The following PCDHA10 variants were observed in gnomAD, a reference collection of about 807,000 sequenced individuals.
PCDHA10 encodes the protein protocadherin alpha-10.
PCDHA10 carries 45 observed loss-of-function variants against 61.2 expected under a neutral mutation model. The observed-to-expected ratio is 0.74, with a 90% CI of 0.58 to 0.94. The LOEUF (loss-of-function observed/expected upper bound fraction) is 0.94, where lower values mean the gene tolerates loss of function less well. Among genes scored for constraint, PCDHA10 ranks in the 40% least tolerant of loss-of-function variants. The pLI is 0.00. For missense variants in PCDHA10, 1,278 were observed against 1,236.2 expected (o/e 1.03, Z -0.51); for synonymous variants, 602 against 548.8 (o/e 1.10, Z -1.35).
intron 3 of PCDHA10, among the ~76,000 whole-genome samples, chr5:141,006,751 G>A (rs1369409000): frequency 2.0e-5 from 3 of 152,166 alleles, no homozygotes; most frequent in Non-Finnish European, 4.4e-5. Flanking sequence ...ATTATAAATG[G>A]AGAATGAAGA....
chr5:140,968,405 G>A, intron 1 of PCDHA10: 1 of 1,614,002 alleles, frequency 6.2e-7, no homozygotes, highest in Non-Finnish European at 8.5e-7. Flanking sequence ...GGAGTTCTTT[G>A]TGACTGTGGA....
chr5:140,929,077 A>C, intron 1 of PCDHA10: 1 of 1,614,168 alleles, frequency 6.2e-7, no homozygotes, highest in Non-Finnish European at 8.5e-7. Flanking sequence ...GAGGTATGGA[A>C]GTAAGATGGT....
chr5:141,004,528 C>T (rs2098169666), intron 3 of PCDHA10, among the ~76,000 whole-genome samples: 1 of 152,230 alleles, frequency 6.6e-6, no homozygotes, highest in Non-Finnish European at 1.5e-5. Flanking sequence ...CCAATACACA[C>T]AGCCATTAAT....
At chr5:140,893,182 AT>A (rs782024176) in intron 1 of PCDHA10, among the ~76,000 whole-genome samples, 5 of 152,238 alleles carry the variant, frequency 3.3e-5, no homozygotes, top group Non-Finnish European at 5.9e-5. Context: ...CATAGTAGCT[AT>A]TGTGAATAGT....
intron 1 of PCDHA10, among the ~76,000 whole-genome samples, chr5:140,938,510 A>G (rs2092097687): frequency 6.6e-6 from 1 of 151,662 alleles, no homozygotes; most frequent in Non-Finnish European, 1.5e-5. Context: ...TTTATCACAT[A>G]TTTTCTGTTA....
At position 140,857,686 on chromosome 5, in the gene PCDHA10, C is replaced by A; in HGVS notation, c.1638C>A (p.Ser546Arg). The A allele has an allele frequency of 3.8e-6, 6 of 1,597,184 alleles. 1 individual carries two copies. Among genetic ancestry groups the A allele is most frequent in the Non-Finnish European group, 5.1e-6 (6 of 1,167,762 alleles). ...ARDGGVPPLG[S>R]NLTLQVFVLD... ...ATGGGGGCGTGCCGCCTCTGGGCAG[C>A]AACTTGACGCTGCAGGTGTTCGTGC... The change falls in exon 1 of 4, where the codon AGC becomes AGA. Residue 546 changes from serine (S) to arginine (R), a missense_variant. By Grantham distance (110) the Ser-to-Arg change is moderately radical (BLOSUM62 -1). Transcript: ENST00000307360.
At chr5:140,965,238 A>T (rs540671197) in intron 1 of PCDHA10, among the ~76,000 whole-genome samples, 1 of 152,314 alleles carries the variant, frequency 6.6e-6, no homozygotes, top group African/African-American at 2.4e-5. Flanking sequence ...ACCTGGGAAG[A>T]GTGAATATTC....
chr5:140,917,336 G>C (rs1183036523), intron 1 of PCDHA10, among the ~76,000 whole-genome samples: 1 of 144,856 alleles, frequency 6.9e-6, no homozygotes, highest in Non-Finnish European at 1.5e-5. Context: ...GGGGAGGGGG[G>C]GGATGGTGTA....
At chr5:141,004,445 T>C (rs2098166676) in intron 3 of PCDHA10, among the ~76,000 whole-genome samples, 1 of 152,206 alleles carries the variant, frequency 6.6e-6, no homozygotes. Flanking sequence ...CTGAGTCATA[T>C]AGAACCAGGA....
intron 1 of PCDHA10, chr5:140,877,802 A>C: frequency 6.2e-7 from 1 of 1,613,434 alleles, no homozygotes; most frequent in Non-Finnish European, 8.5e-7. Flanking sequence ...CCAAGCCTTC[A>C]GCTGTCTCGA....
chr5:140,882,152 GA>G, intron 1 of PCDHA10: 1 of 1,505,314 alleles, frequency 6.6e-7, no homozygotes, highest in East Asian at 2.3e-5. Flanking sequence ...GCAGAAAGCG[GA>G]ATACCTCTTG....
intron 1 of PCDHA10, chr5:140,876,095 T>C (rs781801828): frequency 4.3e-6 from 7 of 1,613,928 alleles, no homozygotes; most frequent in Non-Finnish European, 5.9e-6. Context: ...ACGCCAAAAC[T>C]CAATTTATTG....
At chr5:140,967,109 C>T in intron 1 of PCDHA10, 1 of 1,612,966 alleles carries the variant, frequency 6.2e-7, no homozygotes, top group Non-Finnish European at 8.5e-7. Flanking sequence ...TGAGCAGCGG[C>T]CTCGCTGCCT....
chr5:140,924,909 AAT>A (rs1563069038), intron 1 of PCDHA10, among the ~76,000 whole-genome samples: 1,502 of 66,200 alleles, frequency 0.023, 33 homozygotes, highest in African/African-American at 0.07. Context: ...AAAAAAATAA[AAT>A]AAAATAAAAT....
chr5:140,999,295 T>G (rs1554256739), intron 3 of PCDHA10, among the ~76,000 whole-genome samples: 1 of 152,238 alleles, frequency 6.6e-6, no homozygotes, highest in Non-Finnish European at 1.5e-5. Context: ...ATTCTTTATT[T>G]CAGAATTTCT....
chr5:140,872,347 C>T (rs556222685), intron 1 of PCDHA10, among the ~76,000 whole-genome samples: 44 of 152,200 alleles, frequency 2.9e-4, no homozygotes, highest in African/African-American at 1.0e-3. Context: ...CATGTTCTTG[C>T]CAGGCAAAGT....
intron 1 of PCDHA10, among the ~76,000 whole-genome samples, chr5:140,958,893 A>G (rs1332305633): frequency 2.6e-5 from 4 of 152,002 alleles, no homozygotes; most frequent in African/African-American, 9.7e-5. Flanking sequence ...TAGCTATATA[A>G]TAGATACAGA....
intron 1 of PCDHA10, among the ~76,000 whole-genome samples, chr5:140,921,037 T>C (rs2079983245): frequency 1.3e-5 from 2 of 151,986 alleles, no homozygotes; most frequent in Admixed American, 1.3e-4. Context: ...TGGGGTGCAG[T>C]GGGGCAATCA....
At chr5:140,934,151 A>G (rs1478465122) in intron 1 of PCDHA10, among the ~76,000 whole-genome samples, 3 of 152,088 alleles carry the variant, frequency 2.0e-5, no homozygotes, top group African/African-American at 7.2e-5. Context: ...TTATATGTTT[A>G]TATTTCAGTG....
Sources: gnomAD v4.1 joint callset for allele counts (sites outside exome capture counted in the v4.1 genomes callset) on GRCh38, gnomAD v4.1.1 for gene constraint, MANE v1.5 for transcripts, NCBI Gene and HGNC (gene_info 2026-07-23, HGNC 2026-07-21) for gene names.